The following UGT1A6 variants were observed in gnomAD, a reference collection of about 807,000 sequenced individuals.
UGT1A6 encodes the protein UDP-glucuronosyltransferase 1A6.
A neutral mutation model predicts 44.4 loss-of-function variants in UGT1A6; 32 were observed. The ratio of observed to expected loss-of-function variants is 0.72; its 90% confidence interval spans 0.54 to 0.97. The LOEUF (loss-of-function observed/expected upper bound fraction) is 0.97, where lower values mean the gene tolerates loss of function less well. Among genes scored for constraint, UGT1A6 ranks in the 50% least tolerant of loss-of-function variants. The probability of loss-of-function intolerance (pLI) is 0.00; values close to 1 mark genes in which losing one functional copy is unlikely to be tolerated. For missense variants in UGT1A6, 685 were observed against 661.9 expected, an observed-to-expected ratio of 1.03 and a Z score of -0.38; for synonymous variants, 238 against 248.5, an observed-to-expected ratio of 0.96 and a Z score of 0.40.
intron 1 of UGT1A6, chr2:233,747,460 C>G: frequency 6.2e-7 from 1 of 1,608,790 alleles, no homozygotes; most frequent in South Asian, 1.1e-5. Context: ...TATGCCATTT[C>G]ATGGACCCAG....
In UGT1A6 at chr2:233,725,300, A is replaced by G. The variant is rs956221010; in HGVS notation, c.861+31435A>G. The stretch of plus-strand genomic sequence containing the variant: ...CAGAGGCAGAGGCAGAGGCAGAGGC[A>G]GAGGCAGAGGCAGAGGCGCCTGGTC... On this transcript the variant is annotated intron_variant, in intron 1 of 4. Transcript: ENST00000305139. 9.4e-5 allele frequency among the ~76,000 whole-genome samples: 7 copies of G among 74,572 alleles called. 1 individual carries two copies. In the East Asian group the frequency reaches 1.7e-3, roughly 18 times the overall value. The allele number at this position is 74,572 out of a possible 152,430, so 48.9% of individuals were successfully genotyped here.
At chr2:233,705,525 C>T (rs550344536) in intron 1 of UGT1A6, among the ~76,000 whole-genome samples, 2 of 152,190 alleles carry the variant, frequency 1.3e-5, no homozygotes, top group South Asian at 4.1e-4. Flanking sequence ...GGGGAGATTA[C>T]CTTCAGCTGT....
chr2:233,744,039 G>T, intron 1 of UGT1A6: 2 of 770,652 alleles, frequency 2.6e-6, no homozygotes, highest in Non-Finnish European at 3.6e-6. Context: ...TTATGACGCA[G>T]CCACATCTCA....
Position 233,693,353 on chromosome 2 carries a change from AT to A in UGT1A6, c.351del (p.Ile117MetfsTer20), listed in dbSNP as rs778099997. On this transcript the variant is annotated frameshift_variant, in exon 1 of 5. Coordinates refer to ENST00000305139, the MANE Select transcript of UGT1A6 (RefSeq NM_001072.4). LOFTEE classifies it high-confidence loss of function. Reference protein sequence around the residue: ...APQTEYRNNMIVIGLYFINCQ... With the variant: ...APQTEYRNNMXVIGLYFINCQ... ...TCAGACAGAGTACAGGAATAACATGATTGTTATTGGCCTGTACTTCATCAAC... is the reference window on the plus strand; with the variant it reads ...TCAGACAGAGTACAGGAATAACATGATGTTATTGGCCTGTACTTCATCAAC... The A allele has an allele frequency of 6.2e-7, 1 of 1,614,132 alleles. No homozygotes were observed. The highest frequency in any genetic ancestry group is 1.7e-5 in the Admixed American group (1 of 60,010).
chr2:233,758,658 T>A lies in UGT1A6; in HGVS notation c.862-8376T>A, dbSNP rs188603135. 5.3e-5 allele frequency among the ~76,000 whole-genome samples: 8 copies of A among 152,318 alleles called. No individual in the cohort carries two copies. In the East Asian group the frequency reaches 1.5e-3, roughly 29 times the overall value. ...TAAGGAGAAGAATGAGAGGGTACCCTAATTACCTGTTAATATGTCCCATAG... is the reference window on the plus strand; with the variant it reads ...TAAGGAGAAGAATGAGAGGGTACCCAAATTACCTGTTAATATGTCCCATAG... On this transcript the variant is annotated intron_variant, in intron 1 of 4. Coordinates refer to ENST00000305139, the MANE Select transcript of UGT1A6 (RefSeq NM_001072.4).
At chr2:233,756,198 G>C (rs1023408746) in intron 1 of UGT1A6, 1 of 152,220 alleles carries the variant, frequency 6.6e-6, no homozygotes, top group Non-Finnish European at 1.5e-5. Flanking sequence ...TAGCAGAGTA[G>C]TCCCTGGTAT....
rs574685315 is a variant in UGT1A6 at position 233,731,448 on chromosome 2, A to C, written c.862-35586A>C. Among the ~76,000 whole-genome samples, 490 of 151,900 alleles carry C rather than the reference A, an allele frequency of 3.2e-3. 2 individuals carry two copies. The highest frequency in any genetic ancestry group is 0.01 in the African/African-American group (431 of 41,418). Reference sequence around the variant, plus strand: ...CATCCCTCCCCCAGTCCCCCACCCCACAACAGGCCCTGGCGTGTGATGTTC... The same window carrying C: ...CATCCCTCCCCCAGTCCCCCACCCCCCAACAGGCCCTGGCGTGTGATGTTC... On this transcript the variant is annotated intron_variant, in intron 1 of 4. Coordinates refer to ENST00000305139, the MANE Select transcript of UGT1A6 (RefSeq NM_001072.4).
chr2:233,752,761 A>G (rs1341964292), intron 1 of UGT1A6, among the ~76,000 whole-genome samples: 3 of 152,266 alleles, frequency 2.0e-5, no homozygotes, highest in African/African-American at 7.2e-5. Context: ...AAACAAACAA[A>G]CAAACAAACA....
intron 1 of UGT1A6, among the ~76,000 whole-genome samples, chr2:233,712,715 A>G (rs2125629619): frequency 1.3e-5 from 2 of 151,908 alleles, no homozygotes; most frequent in South Asian, 4.2e-4. Context: ...TTGGGAATTG[A>G]ATGAGAAACA....
chr2:233,724,359 C>T (rs1387977005), intron 1 of UGT1A6, among the ~76,000 whole-genome samples: 12 of 146,792 alleles, frequency 8.2e-5, no homozygotes, highest in South Asian at 2.3e-4. Context: ...ACCTCCCTCC[C>T]GGACGGGGTG....
At chr2:233,719,370 G>A (rs1322563155) in intron 1 of UGT1A6, 5 of 1,613,830 alleles carry the variant, frequency 3.1e-6, no homozygotes, top group Non-Finnish European at 3.4e-6. Flanking sequence ...AGACTTTAAG[G>A]GCACACAGTG....
intron 1 of UGT1A6, among the ~76,000 whole-genome samples, chr2:233,708,991 A>G (rs551538751): frequency 6.6e-6 from 1 of 152,226 alleles, no homozygotes; most frequent in East Asian, 1.9e-4. Flanking sequence ...CGGCCGTGGC[A>G]TCCTTCTCAG....
rs1357806418 is a variant in UGT1A6 at position 233,725,294 on chromosome 2, A to G, written c.861+31429A>G. ...CAGAGGCAGAGGCAGAGGCAGAGGC[A>G]GAGGCAGAGGCAGAGGCAGAGGCGC... On this transcript the variant is annotated intron_variant, in intron 1 of 4. Coordinates refer to ENST00000305139, the MANE Select transcript of UGT1A6 (RefSeq NM_001072.4). 6.7e-5 allele frequency among the ~76,000 whole-genome samples: 7 copies of G among 104,870 alleles called. 1 individual carries two copies. The highest frequency in any genetic ancestry group is 6.5e-4 in the South Asian group (2 of 3,086). The allele number at this position is 104,870 out of a possible 152,430, so 68.8% of individuals were successfully genotyped here. A position where few individuals can be genotyped will look rare whatever the true frequency, so the allele number is the denominator to read the frequency against.
At chr2:233,693,897 G>A (rs901787042) in intron 1 of UGT1A6, 32 bp downstream of exon 1, 3 of 1,613,646 alleles carry the variant, frequency 1.9e-6, no homozygotes, top group African/African-American at 2.7e-5. Flanking sequence ...GGACTGCCTT[G>A]TTTCTTCCAG....
intron 1 of UGT1A6, among the ~76,000 whole-genome samples, chr2:233,751,496 T>G (rs189001401): frequency 2.2e-4 from 34 of 152,268 alleles, no homozygotes; most frequent in African/African-American, 7.9e-4. Context: ...GACATGAGAT[T>G]TGGGAGGGGC....
chr2:233,757,096 G>T (rs1286563968), intron 1 of UGT1A6, among the ~76,000 whole-genome samples: 1 of 151,374 alleles, frequency 6.6e-6, no homozygotes, highest in Non-Finnish European at 1.5e-5. Flanking sequence ...GAGGCAGAGG[G>T]AGGGGGCAAG....
intron 1 of UGT1A6, chr2:233,743,038 A>C (rs968490640): frequency 1.1e-4 from 31 of 283,022 alleles, no homozygotes; most frequent in Non-Finnish European, 2.8e-5. Context: ...CAGAGGTCCT[A>C]TCCGTGTAGT....
chr2:233,722,844 T>C (rs1216132787), intron 1 of UGT1A6, among the ~76,000 whole-genome samples: 6 of 105,740 alleles, frequency 5.7e-5, no homozygotes, highest in African/African-American at 3.6e-4. Flanking sequence ...TAAGAATGTT[T>C]CTTTTTTTTT....
chr2:233,712,298 G>T (rs1192832696), intron 1 of UGT1A6, among the ~76,000 whole-genome samples: 3 of 152,338 alleles, frequency 2.0e-5, no homozygotes, highest in East Asian at 1.9e-4. Context: ...CCATGGTGTA[G>T]ATGGAGAATC....
Sources: gnomAD v4.1 joint callset for allele counts (sites outside exome capture counted in the v4.1 genomes callset) on GRCh38, gnomAD v4.1.1 for gene constraint, MANE v1.5 for transcripts, NCBI Gene and HGNC (gene_info 2026-07-23, HGNC 2026-07-21) for gene names.